C1orf185: variants seen among roughly 807,000 people sequenced by gnomAD.
C1orf185 encodes the protein uncharacterized protein C1orf185.
In C1orf185, 13 loss-of-function variants were observed where a neutral mutation model predicts 16.1. The ratio of observed to expected loss-of-function variants is 0.81; its 90% CI spans 0.53 to 1.28. C1orf185 has a LOEUF of 1.28. Ranked by LOEUF, C1orf185 falls within the 50% of genes most tolerant of loss-of-function variation. C1orf185 has a pLI of 0.00. For synonymous variants in C1orf185, 80 were observed against 76.9 expected (o/e 1.04, Z -0.21); for missense variants, 220 against 225.2 (o/e 0.98, Z 0.15).
At chr1:51,151,556 G>C (rs1356429242), downstream of C1orf185, among the ~76,000 whole-genome samples, 2 of 152,146 alleles carry the variant, frequency 1.3e-5, no homozygotes, top group African/African-American at 2.4e-5. Context: ...ACTGTAGAGG[G>C]AAGGCTTGTG....
At chr1:51,112,680 T>G (rs1646130146) in intron 2 of C1orf185, 111 bp downstream of exon 2, 2 of 1,050,682 alleles carry the variant, frequency 1.9e-6, no homozygotes, top group Admixed American at 6.0e-5. Flanking sequence ...GATTGTTTAG[T>G]TTGGGATTTG....
At chr1:51,121,541 T>A (rs1312618135) in intron 3 of C1orf185, among the ~76,000 whole-genome samples, 4 of 152,066 alleles carry the variant, frequency 2.6e-5, no homozygotes, top group Non-Finnish European at 4.4e-5. Context: ...GTATAAAAAG[T>A]TTAAGGTAGT....
intron 1 of C1orf185, among the ~76,000 whole-genome samples, chr1:51,112,130 G>A (rs1004393527): frequency 6.6e-6 from 1 of 151,482 alleles, no homozygotes; most frequent in Non-Finnish European, 1.5e-5. Flanking sequence ...AATGATACGG[G>A]AGGGGAAAAA....
At chr1:51,146,472 A>G (rs978414421) in intron 4 of C1orf185, among the ~76,000 whole-genome samples, 15 of 151,806 alleles carry the variant, frequency 9.9e-5, no homozygotes, top group Admixed American at 9.2e-4. Flanking sequence ...AAAAAAAAAA[A>G]GTTAGTATGT....
chr1:51,145,220 G>T (rs12145041), intron 3 of C1orf185, among the ~76,000 whole-genome samples: 1 of 151,748 alleles, frequency 6.6e-6, no homozygotes, highest in South Asian at 2.1e-4. Flanking sequence ...CAGGAAGATC[G>T]CTTGAGCCCA....
chr1:51,119,972 AG>A (rs1291201644), intron 3 of C1orf185, among the ~76,000 whole-genome samples: 1 of 152,220 alleles, frequency 6.6e-6, no homozygotes, highest in Non-Finnish European at 1.5e-5. Context: ...ACAAAGTTGA[AG>A]AAGTGCAGAC....
At chr1:51,117,002 T>C (rs148424711) in intron 2 of C1orf185, among the ~76,000 whole-genome samples, 123 of 152,290 alleles carry the variant, frequency 8.1e-4, no homozygotes, top group African/African-American at 3.0e-3. Context: ...TGACAGCAAT[T>C]TCCACTCTTG....
At chr1:51,109,153 T>C (rs913363015) in intron 1 of C1orf185, among the ~76,000 whole-genome samples, 3 of 152,222 alleles carry the variant, frequency 2.0e-5, no homozygotes, top group African/African-American at 7.2e-5. Context: ...TGGTTTTGAT[T>C]CGCGTTTCCC....
At chr1:51,122,400 A>G (rs1388712520) in intron 3 of C1orf185, among the ~76,000 whole-genome samples, 6 of 152,250 alleles carry the variant, frequency 3.9e-5, no homozygotes, top group Middle Eastern at 3.4e-3. Context: ...ATTTCTGACA[A>G]CCTAATGGAT....
At chr1:51,106,216 A>G (rs989651804) in intron 1 of C1orf185, among the ~76,000 whole-genome samples, 5 of 152,134 alleles carry the variant, frequency 3.3e-5, no homozygotes, top group Non-Finnish European at 7.4e-5. Flanking sequence ...AAAATTTAAA[A>G]AAAATTTTTC....
At chr1:51,127,077 T>C (rs1646247034) in intron 3 of C1orf185, among the ~76,000 whole-genome samples, 1 of 152,206 alleles carries the variant, frequency 6.6e-6, no homozygotes, top group East Asian at 1.9e-4. Flanking sequence ...ATTTTATTGA[T>C]ACAATTTTTA....
At chr1:51,109,464 G>A (rs531348403) in intron 1 of C1orf185, among the ~76,000 whole-genome samples, 1 of 151,812 alleles carries the variant, frequency 6.6e-6, no homozygotes, top group East Asian at 1.9e-4. Flanking sequence ...TGCTTTTGAG[G>A]TCTTATTCAT....
chr1:51,144,075 G>A (rs1242095102), intron 3 of C1orf185, among the ~76,000 whole-genome samples: 1 of 152,226 alleles, frequency 6.6e-6, no homozygotes. Context: ...CTGTGTACAT[G>A]TAGCAGTATA....
At chr1:51,114,700 G>C (rs1468752952) in intron 2 of C1orf185, among the ~76,000 whole-genome samples, 1 of 152,178 alleles carries the variant, frequency 6.6e-6, no homozygotes, top group Non-Finnish European at 1.5e-5. Flanking sequence ...TCCAGCCTGG[G>C]TGACAAGCGA....
intron 2 of C1orf185, among the ~76,000 whole-genome samples, chr1:51,115,135 A>T (rs563377690): frequency 3.9e-5 from 6 of 152,294 alleles, no homozygotes; most frequent in African/African-American, 1.4e-4. Flanking sequence ...TCTTGAGGTC[A>T]GGAGTTGGAG....
Position 51,147,491 on chromosome 1 carries a change from A to C in C1orf185, c.320A>C (p.Glu107Ala). The C allele has an allele frequency of 6.5e-7, 1 of 1,539,946 alleles. No individual in the cohort carries two copies. The highest frequency in any genetic ancestry group is 1.4e-5 in the African/African-American group (1 of 72,466). Residue 107 changes from glutamate (E) to alanine (A), a missense_variant, in exon 5 of 5, where the codon GAA (glutamate) becomes GCA (alanine). Glu to Ala is a moderately radical substitution (Grantham distance 107). Coordinates refer to ENST00000371759, the MANE Select transcript of C1orf185 (RefSeq NM_001136508.2). ...GCAATTAAAGATCATTCTAAAGATG[A>C]ACCCCAACTTGCAACAAAAAATATC... ...IKAIKDHSKD[E>A]PQLATKNIIC... is the part of the protein sequence containing the mutation.
At chr1:51,138,009 C>T (rs761321610) in intron 3 of C1orf185, among the ~76,000 whole-genome samples, 4 of 152,104 alleles carry the variant, frequency 2.6e-5, no homozygotes, top group Non-Finnish European at 5.9e-5. Context: ...GTTGAAAACA[C>T]ATGGACACAT....
At chr1:51,151,479 A>G (rs919610758), downstream of C1orf185, among the ~76,000 whole-genome samples, 1 of 152,080 alleles carries the variant, frequency 6.6e-6, no homozygotes, top group African/African-American at 2.4e-5. Context: ...AATAAATAAG[A>G]ATAAAAAGTA....
intron 2 of C1orf185, among the ~76,000 whole-genome samples, chr1:51,117,478 T>C (rs763746037): frequency 7.9e-5 from 12 of 152,166 alleles, no homozygotes; most frequent in Non-Finnish European, 1.6e-4. Flanking sequence ...CAGAGTATTT[T>C]CACTGCCCTA....
Sources: allele counts gnomAD v4.1 joint callset (sites outside exome capture counted in the v4.1 genomes callset), GRCh38; gene constraint gnomAD v4.1.1; transcripts MANE v1.5; gene names NCBI Gene and HGNC (gene_info 2026-07-23, HGNC 2026-07-21).